The following WLS variants were observed in gnomAD, a reference collection of about 807,000 sequenced individuals.
WLS encodes the protein protein wntless homolog.
In WLS, 23 loss-of-function variants were observed where a neutral mutation model predicts 62.8. The ratio of observed to expected loss-of-function variants is 0.37; its 90% CI spans 0.26 to 0.52. WLS has a LOEUF of 0.52. Among genes scored for constraint, WLS ranks in the 20% least tolerant of loss-of-function variants. The pLI, the probability that WLS is intolerant of heterozygous loss-of-function variation, is 0.92. For synonymous variants in WLS, 246 were observed against 244.1 expected (o/e 1.01, Z -0.07); for missense variants, 615 against 697.3 (o/e 0.88, Z 1.33).
chr1:68,120,620 GAGA>G (rs1483939613), downstream of WLS, among the ~76,000 whole-genome samples: 2 of 152,218 alleles, frequency 1.3e-5, no homozygotes, highest in African/African-American at 4.8e-5. Context: ...CTCCGTGACT[GAGA>G]AGGTGGTATT....
At chr1:68,170,160 C>CTTTTTTTCTTTTTTT (rs1553131191) in intron 2 of WLS, among the ~76,000 whole-genome samples, 42 of 86,784 alleles carry the variant, frequency 4.8e-4, no homozygotes, top group African/African-American at 6.8e-4. Context: ...GCTACTATTT[C>CTTTTTTTCTTTTTTT]TTTTTTTTTT....
At chr1:68,118,424 T>C (rs1168833408) in intron 11 of WLS, among the ~76,000 whole-genome samples, 2 of 152,206 alleles carry the variant, frequency 1.3e-5, no homozygotes, top group African/African-American at 2.4e-5. Context: ...GAGGGCTCTG[T>C]ATGCTTACAG....
intron 11 of WLS, among the ~76,000 whole-genome samples, chr1:68,126,727 TGAG>T (rs1293063530): frequency 6.6e-6 from 1 of 152,096 alleles, no homozygotes; most frequent in African/African-American, 2.4e-5. Context: ...GCCTTACAGA[TGAG>T]GAAGCTGGGA....
In WLS at chr1:68,182,379, C is replaced by T. The variant is rs561233443; in HGVS notation, c.379+11576G>A. Reference sequence around the variant, plus strand: ...TCCTGCCAATATAACATGCTCACAACGGTCAATTCCAAAGGAAGAGCTGTC... The same window carrying T: ...TCCTGCCAATATAACATGCTCACAATGGTCAATTCCAAAGGAAGAGCTGTC... On this transcript the variant is annotated intron_variant, in intron 2 of 11. Coordinates refer to ENST00000262348, the MANE Select transcript of WLS (RefSeq NM_024911.7). Among the ~76,000 whole-genome samples the T allele has an allele frequency of 6.2e-4, 94 of 152,328 alleles. 1 individual carries two copies. Among genetic ancestry groups the T allele is most frequent in the Non-Finnish European group, 9.4e-4 (64 of 68,032 alleles).
chr1:68,161,949 A>T, intron 2 of WLS: 2 of 1,610,156 alleles, frequency 1.2e-6, no homozygotes, highest in Non-Finnish European at 1.7e-6. Context: ...ATGTGGCACC[A>T]TTGAGCTCAG....
chr1:68,121,142 C>G (rs952200926), downstream of WLS: 3 of 152,170 alleles, frequency 2.0e-5, no homozygotes, highest in African/African-American at 7.2e-5. Flanking sequence ...AGCCCTAGTA[C>G]AGGAAGGGAC....
At chr1:68,126,408 A>T in intron 11 of WLS, 73 bp from the exon 12 acceptor site, 1 of 1,582,464 alleles carries the variant, frequency 6.3e-7, no homozygotes, top group Non-Finnish European at 8.6e-7. Context: ...TCTCATGGAC[A>T]ACTGCCCTGA....
chr1:68,157,974 T>C (rs1040117743), intron 3 of WLS, among the ~76,000 whole-genome samples: 11 of 152,226 alleles, frequency 7.2e-5, no homozygotes, highest in Admixed American at 2.0e-4. Flanking sequence ...CTTGGTTGCA[T>C]GCAAAGATCT....
chr1:68,114,837 C>A (rs1646270340), intron 11 of WLS, among the ~76,000 whole-genome samples: 1 of 152,372 alleles, frequency 6.6e-6, no homozygotes, highest in African/African-American at 2.4e-5. Flanking sequence ...GAACAGAGAA[C>A]CCCCTCTGGG....
chr1:68,165,279 G>A (rs1247978303), intron 2 of WLS, among the ~76,000 whole-genome samples: 1 of 152,088 alleles, frequency 6.6e-6, no homozygotes, highest in East Asian at 1.9e-4. Context: ...TGAAGTTTGG[G>A]CCCCACACTT....
At chr1:68,199,378 A>T (rs957056975) in intron 1 of WLS, among the ~76,000 whole-genome samples, 6 of 152,156 alleles carry the variant, frequency 3.9e-5, no homozygotes, top group African/African-American at 1.2e-4. Context: ...AGGATGCTCC[A>T]GTTGTAAAAA....
Position 68,232,313 on chromosome 1 carries a change from C to T in WLS, c.-14G>A. On this transcript the variant is annotated 5_prime_UTR_variant, in exon 1 of 12. Transcript: ENST00000262348. ...TGCCCCAGCCATTTTTGCGCCCCCC[C>T]TTTTTCTTTTCTCCTTGAAATAAAT... is the stretch of plus-strand genomic sequence containing the variant. The T allele has an allele frequency of 6.2e-7, 1 of 1,613,240 alleles. No individual in the cohort carries two copies. The highest frequency in any genetic ancestry group is 1.3e-5 in the African/African-American group (1 of 74,998).
At chr1:68,212,568 T>C (rs1649558751) in intron 1 of WLS, among the ~76,000 whole-genome samples, 1 of 152,200 alleles carries the variant, frequency 6.6e-6, no homozygotes, top group Non-Finnish European at 1.5e-5. Flanking sequence ...ATAATGCACA[T>C]AAAATACTTA....
chr1:68,159,107 C>T lies in WLS; in HGVS notation c.504+16G>A. 2 of 1,612,868 alleles carry T rather than the reference C, an allele frequency of 1.2e-6. No homozygotes were observed. Among genetic ancestry groups the T allele is most frequent in the Non-Finnish European group, 1.7e-6 (2 of 1,179,640 alleles). On this transcript the variant is annotated intron_variant, in intron 3 of 11. Coordinates refer to ENST00000262348, the MANE Select transcript of WLS (RefSeq NM_024911.7). Reference sequence around the variant, plus strand: ...ACCAAATAAAAACTGTCAGCTTAGACAGCAAGGGGTCATACCTTGGGAGAT... The same window carrying T: ...ACCAAATAAAAACTGTCAGCTTAGATAGCAAGGGGTCATACCTTGGGAGAT...
chr1:68,228,044 A>G (rs1650238851), intron 1 of WLS, among the ~76,000 whole-genome samples: 1 of 152,228 alleles, frequency 6.6e-6, no homozygotes, highest in South Asian at 2.1e-4. Flanking sequence ...AAAGAAGTAG[A>G]TAATCCATGC....
chr1:68,119,061 C>T (rs1646332977), intron 11 of WLS, among the ~76,000 whole-genome samples: 1 of 151,900 alleles, frequency 6.6e-6, no homozygotes, highest in Non-Finnish European at 1.5e-5. Context: ...TTGTAATAGT[C>T]AAACTTTGCA....
At chr1:68,137,961 T>C (rs777772233) in intron 10 of WLS, 28 bp from the exon 11 acceptor site, 2 of 1,612,146 alleles carry the variant, frequency 1.2e-6, no homozygotes, top group East Asian at 2.2e-5. Context: ...TGATATTCAA[T>C]TGAAACAGAG....
chr1:68,126,978 G>T, intron 11 of WLS: 1 of 266,694 alleles, frequency 3.7e-6, no homozygotes, highest in Non-Finnish European at 7.6e-6. Context: ...ACTGCTTGTG[G>T]CCAGGAGTTT....
chr1:68,180,262 T>G (rs1647477220), intron 2 of WLS, among the ~76,000 whole-genome samples: 1 of 151,966 alleles, frequency 6.6e-6, no homozygotes, highest in Admixed American at 6.6e-5. Flanking sequence ...TTAGAACTCT[T>G]TTCCATGTGA....
Sources: allele counts gnomAD v4.1 joint callset (sites outside exome capture counted in the v4.1 genomes callset), GRCh38; gene constraint gnomAD v4.1.1; transcripts MANE v1.5; gene names NCBI Gene and HGNC (gene_info 2026-07-23, HGNC 2026-07-21).